BICC1: variants seen among roughly 807,000 people sequenced by gnomAD.
BICC1 encodes the protein protein bicaudal C homolog 1.
Under a neutral mutation model 111.0 loss-of-function variants are expected in BICC1, and 43 were observed. That is an observed-to-expected ratio of 0.39 (90% CI 0.30 to 0.50). The LOEUF (loss-of-function observed/expected upper bound fraction) is 0.50. Ranked by LOEUF, BICC1 falls within the 20% of genes least tolerant of loss-of-function variation. The pLI, the probability that BICC1 is intolerant of heterozygous loss-of-function variation, is 0.88. For missense variants in BICC1, 1,091 were observed against 1,203.2 expected (o/e 0.91, Z 1.38); for synonymous variants, 467 against 434.4 (o/e 1.07, Z -0.93).
At chr10:58,634,012 T>A (rs1177649078) in intron 2 of BICC1, among the ~76,000 whole-genome samples, 1 of 94,928 alleles carries the variant, frequency 1.1e-5, no homozygotes, top group South Asian at 3.5e-4. Context: ...TTTTTTTTTT[T>A]AGATGGAGTT....
intron 3 of BICC1, among the ~76,000 whole-genome samples, chr10:58,742,819 A>G (rs1384622793): frequency 1.3e-5 from 2 of 152,168 alleles, no homozygotes; most frequent in East Asian, 1.9e-4. Flanking sequence ...TTAAATATTG[A>G]TTGATTGAAG....
chr10:58,725,324 C>T (rs1272518283), intron 3 of BICC1, among the ~76,000 whole-genome samples: 4 of 152,176 alleles, frequency 2.6e-5, no homozygotes, highest in Non-Finnish European at 4.4e-5. Context: ...TCCTTGCCGT[C>T]CCTGCCCTAC....
chr10:58,751,953 G>T (rs1399356871), intron 3 of BICC1, among the ~76,000 whole-genome samples: 1 of 152,128 alleles, frequency 6.6e-6, no homozygotes, highest in African/African-American at 2.4e-5. Flanking sequence ...TTAATAATGT[G>T]TTAAGATGAA....
intron 2 of BICC1, among the ~76,000 whole-genome samples, chr10:58,644,288 G>C (rs1308077810): frequency 6.6e-6 from 1 of 152,152 alleles, no homozygotes; most frequent in Admixed American, 6.5e-5. Flanking sequence ...TCTTATTTTA[G>C]AGAAAGAAAA....
intron 3 of BICC1, among the ~76,000 whole-genome samples, chr10:58,775,892 A>T (rs569443632): frequency 6.6e-6 from 1 of 151,192 alleles, no homozygotes; most frequent in African/African-American, 2.5e-5. Flanking sequence ...CAAGCTTGAA[A>T]CACAGTCTTT....
intron 2 of BICC1, among the ~76,000 whole-genome samples, chr10:58,670,387 A>G (rs1405740776): frequency 6.6e-6 from 1 of 152,132 alleles, no homozygotes; most frequent in Non-Finnish European, 1.5e-5. Flanking sequence ...AACTCCTATG[A>G]CGATATAGAC....
At chr10:58,744,909 T>C (rs1017980950) in intron 3 of BICC1, among the ~76,000 whole-genome samples, 31 of 152,206 alleles carry the variant, frequency 2.0e-4, no homozygotes, top group African/African-American at 7.0e-4. Flanking sequence ...ATGGATGAAG[T>C]TGATGGTCCA....
At chr10:58,806,689 A>G in intron 16 of BICC1, 66 bp downstream of exon 16, 1 of 1,324,354 alleles carries the variant, frequency 7.6e-7, no homozygotes, top group Non-Finnish European at 1.1e-6. Context: ...TTTTTTGAGT[A>G]CTCATGGTGA....
rs775152677 is a variant in BICC1, at chr10:58,796,397, T to C, written c.1237T>C (p.Cys413Arg). Residue 413 changes from cysteine to arginine, a missense_variant, in exon 10 of 21, where the codon TGT becomes CGT. Transcript: ENST00000373886. ...NALNMYEARK[C>R]LLGLESSGVT... ...CTTAAATATGTATGAAGCAAGGAAA[T>C]GTCTCCTCGGACTTGAAAGCAGTGG... 10 of 1,614,072 alleles carry C rather than the reference T, an allele frequency of 6.2e-6. No individual in the cohort carries two copies. In the South Asian group the frequency reaches 8.8e-5, roughly 14 times the overall value.
intron 1 of BICC1, among the ~76,000 whole-genome samples, chr10:58,616,479 T>C (rs537388121): frequency 1.2e-4 from 19 of 152,336 alleles, no homozygotes; most frequent in South Asian, 1.0e-3. Flanking sequence ...CCGTATGTGC[T>C]ACAGCCAGGT....
Position 58,830,060 on chromosome 10 carries a change from C to T in BICC1, c.*1169C>T, listed in dbSNP as rs1471645198. 1 of 151,920 alleles carries T rather than the reference C, an allele frequency of 6.6e-6. No homozygotes were observed. The highest frequency in any genetic ancestry group is 1.5e-5 in the Non-Finnish European group (1 of 68,000). The allele number at this position is 151,920 out of a possible 1,614,324, so 9.4% of individuals were successfully genotyped here. A position where few individuals can be genotyped will look rare whatever the true frequency, so the allele number is the denominator to read the frequency against. On this transcript the variant is annotated 3_prime_UTR_variant, in exon 21 of 21. Transcript: ENST00000373886. Reference sequence around the variant, plus strand: ...AGGACTTTCCTGAAACCGTATCTGTCTGCTTGAAGTAGACTTATGTTTGTT... The same window carrying T: ...AGGACTTTCCTGAAACCGTATCTGTTTGCTTGAAGTAGACTTATGTTTGTT...
intron 2 of BICC1, among the ~76,000 whole-genome samples, chr10:58,636,971 G>C (rs1837970876): frequency 6.6e-6 from 1 of 151,402 alleles, no homozygotes; most frequent in South Asian, 2.1e-4. Flanking sequence ...AGGCTGTGTG[G>C]CTGATGTAGG....
intron 1 of BICC1, among the ~76,000 whole-genome samples, chr10:58,580,501 G>A (rs1427800732): frequency 6.6e-6 from 1 of 152,160 alleles, no homozygotes; most frequent in East Asian, 1.9e-4. Context: ...AGTAAATAAT[G>A]CAGATATTCC....
At chr10:58,782,487 A>C (rs187379600) in intron 3 of BICC1, among the ~76,000 whole-genome samples, 211 of 152,334 alleles carry the variant, frequency 1.4e-3, no homozygotes, top group Non-Finnish European at 2.5e-3. Context: ...GTGAAATGCC[A>C]GTTACTGAGT....
At chr10:58,651,045 A>G (rs1016490758) in intron 2 of BICC1, among the ~76,000 whole-genome samples, 4 of 152,076 alleles carry the variant, frequency 2.6e-5, no homozygotes, top group African/African-American at 7.2e-5. Flanking sequence ...CCAGCTTACA[A>G]ATTACTTTTG....
At chr10:58,663,347 G>C (rs901627349) in intron 2 of BICC1, among the ~76,000 whole-genome samples, 1 of 152,172 alleles carries the variant, frequency 6.6e-6, no homozygotes, top group African/African-American at 2.4e-5. Context: ...GGTTACAGGT[G>C]TGAATCACCA....
chr10:58,725,507 A>G (rs1208807967), intron 3 of BICC1, among the ~76,000 whole-genome samples: 3 of 152,142 alleles, frequency 2.0e-5, no homozygotes, highest in African/African-American at 7.2e-5. Context: ...CATATTTTTA[A>G]GAGGGGAGAG....
At chr10:58,519,415 A>G (rs1842333275) in intron 1 of BICC1, among the ~76,000 whole-genome samples, 1 of 152,160 alleles carries the variant, frequency 6.6e-6, no homozygotes, top group Non-Finnish European at 1.5e-5. Context: ...GAAGGGGGTC[A>G]GAATGGATGC....
intron 1 of BICC1, among the ~76,000 whole-genome samples, chr10:58,515,233 C>T (rs1842210974): frequency 6.6e-6 from 1 of 152,192 alleles, no homozygotes; most frequent in Non-Finnish European, 1.5e-5. Context: ...GTCTTAACAT[C>T]TCTTGAACAA....
Sources: allele counts gnomAD v4.1 joint callset (sites outside exome capture counted in the v4.1 genomes callset), GRCh38; gene constraint gnomAD v4.1.1; transcripts MANE v1.5; gene names NCBI Gene and HGNC (gene_info 2026-07-23, HGNC 2026-07-21).